The following CTNNA2 variants were observed in gnomAD, a reference collection of about 807,000 sequenced individuals.
CTNNA2 encodes the protein catenin alpha 2, also known as catenin alpha-2.
A neutral mutation model predicts 101.0 loss-of-function variants in CTNNA2; 42 were observed. The observed-to-expected ratio is 0.42, with a 90% CI of 0.32 to 0.54. The LOEUF (loss-of-function observed/expected upper bound fraction) is 0.54, where lower values mean the gene tolerates loss of function less well. CTNNA2 is among the 20% of genes least tolerant of loss of function. CTNNA2 has a pLI of 0.14. For synonymous variants in CTNNA2, 450 were observed against 456.4 expected, an observed-to-expected ratio of 0.99 and a Z score of 0.18; for missense variants, 871 against 1,223.1, an observed-to-expected ratio of 0.71 and a Z score of 4.29.
chr2:80,326,887 T>A (rs191454011), intron 7 of CTNNA2, among the ~76,000 whole-genome samples: 42 of 152,308 alleles, frequency 2.8e-4, no homozygotes, highest in Admixed American at 9.2e-4. Flanking sequence ...CTTCCATCCC[T>A]CCTTCCCTTT....
chr2:79,499,330 G>A (rs536230194), intron 4 of CTNNA2: 2 of 152,248 alleles, frequency 1.3e-5, no homozygotes, highest in South Asian at 2.1e-4. Context: ...GCTAGGGTGG[G>A]CTTCACAAAG....
At chr2:79,491,243 C>G (rs1671205111) in intron 4 of CTNNA2, among the ~76,000 whole-genome samples, 1 of 152,086 alleles carries the variant, frequency 6.6e-6, no homozygotes, top group Non-Finnish European at 1.5e-5. Flanking sequence ...GACTTTGAAG[C>G]CCATCACAAA....
chr2:80,532,878 A>T (rs1690664504), intron 9 of CTNNA2, among the ~76,000 whole-genome samples: 1 of 152,156 alleles, frequency 6.6e-6, no homozygotes, highest in Non-Finnish European at 1.5e-5. Context: ...GTAAACCAAC[A>T]GCGATAAGAA....
At chr2:79,911,206 C>A (rs1227236856) in intron 7 of CTNNA2, among the ~76,000 whole-genome samples, 2 of 152,262 alleles carry the variant, frequency 1.3e-5, no homozygotes, top group East Asian at 3.9e-4. Context: ...GATGTGTCAA[C>A]GAAGAATGCT....
intron 9 of CTNNA2, among the ~76,000 whole-genome samples, chr2:80,543,044 G>A (rs1193381098): frequency 6.6e-6 from 1 of 151,992 alleles, no homozygotes; most frequent in African/African-American, 2.4e-5. Flanking sequence ...TATTTTTGAG[G>A]GCACCATTTA....
intron 12 of CTNNA2, among the ~76,000 whole-genome samples, chr2:80,568,570 T>C (rs200228008): frequency 7.0e-5 from 3 of 42,990 alleles, no homozygotes; most frequent in African/African-American, 2.2e-4. Flanking sequence ...GGTGTGCGTG[T>C]GTGTGTGTGT....
intron 7 of CTNNA2, among the ~76,000 whole-genome samples, chr2:80,082,731 T>C (rs1296141529): frequency 6.6e-6 from 1 of 152,186 alleles, no homozygotes; most frequent in African/African-American, 2.4e-5. Flanking sequence ...ATGATGTCTC[T>C]GTGAGGGTCA....
intron 7 of CTNNA2, among the ~76,000 whole-genome samples, chr2:80,195,509 C>T (rs1407273333): frequency 2.0e-5 from 3 of 152,040 alleles, no homozygotes; most frequent in African/African-American, 7.2e-5. Context: ...TCTTAGTCCT[C>T]ACTCCAATCT....
intron 4 of CTNNA2, among the ~76,000 whole-genome samples, chr2:79,495,086 G>A (rs1401112853): frequency 6.6e-6 from 1 of 152,076 alleles, no homozygotes; most frequent in African/African-American, 2.4e-5. Flanking sequence ...CTGGGCGACA[G>A]AGCAAAACTC....
intron 18 of CTNNA2, among the ~76,000 whole-genome samples, chr2:80,639,825 G>A (rs963629136): frequency 1.3e-5 from 2 of 152,162 alleles, no homozygotes; most frequent in South Asian, 2.1e-4. Flanking sequence ...TTTGTCGGCC[G>A]GGCGCGGTGG....
chr2:80,035,749 C>T (rs1695605630), intron 7 of CTNNA2, among the ~76,000 whole-genome samples: 1 of 152,182 alleles, frequency 6.6e-6, no homozygotes, highest in Admixed American at 6.5e-5. Context: ...CTCAGAGAAA[C>T]AGGAACTGGA....
intron 7 of CTNNA2, among the ~76,000 whole-genome samples, chr2:80,079,254 G>A (rs1698960030): frequency 6.6e-6 from 1 of 152,106 alleles, no homozygotes; most frequent in South Asian, 2.1e-4. Context: ...AATATTAAAG[G>A]GAAGACAATA....
In CTNNA2 at chr2:80,394,127, A is replaced by G. The variant is rs376217626; in HGVS notation, c.1137+836A>G. The stretch of plus-strand genomic sequence containing the variant: ...TTGACTGTGACAGCCAGCTAAAACC[A>G]ACCACTGCCATGGCAGCACCTGCTG... On this transcript the variant is annotated intron_variant, in intron 8 of 18. Coordinates refer to ENST00000402739, the MANE Select transcript of CTNNA2 (RefSeq NM_001282597.3). Among the ~76,000 whole-genome samples the G allele has an allele frequency of 5.3e-5, 8 of 152,328 alleles. No homozygotes were observed. The South Asian group carries it at 1.7e-3, about 32-fold the overall frequency.
chr2:79,759,187 C>G (rs1435295076), intron 3 of CTNNA2, among the ~76,000 whole-genome samples: 1 of 151,964 alleles, frequency 6.6e-6, no homozygotes, highest in Admixed American at 6.6e-5. Flanking sequence ...AATGAAAAGC[C>G]ACGAGACCAG....
intron 4 of CTNNA2, among the ~76,000 whole-genome samples, chr2:79,404,255 A>G (rs1296498711): frequency 6.6e-6 from 1 of 152,000 alleles, no homozygotes; most frequent in East Asian, 1.9e-4. Flanking sequence ...CATAGGCAGG[A>G]TATGAATATG....
At chr2:80,045,691 A>G (rs1696471972) in intron 7 of CTNNA2, among the ~76,000 whole-genome samples, 1 of 152,128 alleles carries the variant, frequency 6.6e-6, no homozygotes, top group Non-Finnish European at 1.5e-5. Flanking sequence ...TGTCCAGAAT[A>G]GGGTCATGCT....
chr2:80,182,172 G>T (rs537083793), intron 7 of CTNNA2, among the ~76,000 whole-genome samples: 1 of 152,320 alleles, frequency 6.6e-6, no homozygotes, highest in East Asian at 1.9e-4. Flanking sequence ...GAAGCAGACA[G>T]TGCAGCCCTT....
intron 9 of CTNNA2, among the ~76,000 whole-genome samples, chr2:80,532,771 A>G (rs1380705972): frequency 3.3e-5 from 5 of 152,144 alleles, no homozygotes; most frequent in Non-Finnish European, 7.3e-5. Context: ...GGGCTCAGGA[A>G]CATCTTAATT....
chr2:80,198,730 C>G (rs1197191547), intron 7 of CTNNA2, among the ~76,000 whole-genome samples: 6 of 152,190 alleles, frequency 3.9e-5, no homozygotes, highest in Non-Finnish European at 1.5e-5. Context: ...ACCCCTATCC[C>G]AAAGTGCTTG....
Sources: gnomAD v4.1 joint callset for allele counts (sites outside exome capture counted in the v4.1 genomes callset) on GRCh38, gnomAD v4.1.1 for gene constraint, MANE v1.5 for transcripts, NCBI Gene and HGNC (gene_info 2026-07-23, HGNC 2026-07-21) for gene names.